Variants in PLEKHG3 observed in about 807,000 individuals in gnomAD.
PLEKHG3 encodes pleckstrin homology and RhoGEF domain containing G3, also known as pleckstrin homology domain-containing family G member 3.
PLEKHG3 carries 62 observed loss-of-function variants against 94.9 expected under a neutral mutation model. The observed-to-expected ratio is 0.65, with a 90% CI of 0.53 to 0.81. PLEKHG3 has a LOEUF of 0.81. Among genes scored for constraint, PLEKHG3 ranks in the 30% least tolerant of loss-of-function variants. The pLI is 0.00. For missense variants in PLEKHG3, 1,461 were observed against 1,619.3 expected, an observed-to-expected ratio of 0.90 and a Z score of 1.68; for synonymous variants, 614 against 654.0, an observed-to-expected ratio of 0.94 and a Z score of 0.93.
chr14:64,716,040 C>T lies in PLEKHG3; in HGVS notation c.-40+11336C>T, dbSNP rs1196575850. The stretch of plus-strand genomic sequence containing the variant: ...CGGTGCTGGGGACAATGCGGCTGCC[C>T]GGCCCCTCGCCACCCTCGTGGTGCC... On this transcript the variant is annotated intron_variant, in intron 1 of 16. Transcript: ENST00000247226. This position sits in a 1 kb window ranked among gnomAD's most constrained non-coding sequence, Gnocchi z 5.0. 4 of 456,306 alleles carry T rather than the reference C, an allele frequency of 8.8e-6. No homozygotes were observed. The East Asian group carries it at 2.8e-4, about 32-fold the overall frequency. The allele number at this position is 456,306 out of a possible 1,614,324, so 28.3% of individuals were successfully genotyped here.
At position 64,742,417 on chromosome 14, in the gene PLEKHG3, G is replaced by A; in HGVS notation, c.2900G>A (p.Cys967Tyr). ...ERDGKSPTVPCLQEEAGEPLG... is the reference protein window; with the variant it reads ...ERDGKSPTVPYLQEEAGEPLG... ...GATGGGAAGAGCCCCACTGTGCCCT[G>A]TCTACAGGAAGAGGCTGGAGAGCCA... Residue 967 changes from cysteine to tyrosine, a missense_variant, in exon 16 of 17, where the codon TGT (cysteine) becomes TAT (tyrosine). By Grantham distance (194) the Cys-to-Tyr change is radical. Around this residue, in one of 3 missense-constraint regions of PLEKHG3, gnomAD observed 1,201 missense variants for 1,295.5 expected, o/e 0.93. Transcript: ENST00000247226. The A allele has an allele frequency of 2.5e-6, 4 of 1,612,130 alleles. No individual in the cohort carries two copies. Among genetic ancestry groups the A allele is most frequent in the Middle Eastern group, 1.7e-4 (1 of 6,060 alleles).
In PLEKHG3 at chr14:64,716,159, G is replaced by A. The variant is rs572199813; in HGVS notation, c.-39-11434G>A. 10 of 423,060 alleles carry A rather than the reference G, an allele frequency of 2.4e-5. No homozygotes were observed. The highest frequency in any genetic ancestry group is 7.3e-5 in the East Asian group (1 of 13,608). 26.2% of individuals were successfully genotyped at this position (423,060 alleles called of 1,614,324 possible). A position where few individuals can be genotyped will look rare whatever the true frequency, so the allele number is the denominator to read the frequency against. On this transcript the variant is annotated intron_variant, in intron 1 of 16. Coordinates refer to ENST00000247226, the MANE Select transcript of PLEKHG3 (RefSeq NM_001308147.2). The surrounding 1 kb of genome is among the most constrained non-coding windows in gnomAD (Gnocchi z 5.0). ...GTGGGATGGGGACTCTTTCAACTCC[G>A]GGCCTCTAAGCCTTGCCGGACTTCC...
At chr14:64,734,120 G>T (rs2081526217) in intron 12 of PLEKHG3, among the ~76,000 whole-genome samples, 1 of 152,182 alleles carries the variant, frequency 6.6e-6, no homozygotes. Context: ...TGGAGCAGTG[G>T]CTTATAGAAG....
In PLEKHG3 at chr14:64,728,456, C is replaced by T. The variant is rs2081395157; in HGVS notation, c.351+474C>T. 6.6e-6 allele frequency among the ~76,000 whole-genome samples: 1 copy of T among 152,242 alleles called. No individual in the cohort carries two copies. The highest frequency in any genetic ancestry group is 2.4e-5 in the African/African-American group (1 of 41,470). On this transcript the variant is annotated intron_variant, in intron 2 of 16. Transcript: ENST00000247226. This position sits in a 1 kb window ranked among gnomAD's most constrained non-coding sequence, Gnocchi z 5.9. ...ACTGGCTCAGGGCGTGGATTAGTTT[C>T]CTAGGGCTGCCTTAACAAATGACCA...
At chr14:64,737,295 T>TTCCCC (rs1211895861) in intron 13 of PLEKHG3, 61 bp from the exon 14 acceptor site, 8 of 1,353,746 alleles carry the variant, frequency 5.9e-6, no homozygotes, top group Non-Finnish European at 7.3e-6. Context: ...TACTGATCTC[T>TTCCCC]TCCCCTCCCC....
chr14:64,734,675 T>C (rs1488621731), intron 12 of PLEKHG3, among the ~76,000 whole-genome samples: 2 of 152,138 alleles, frequency 1.3e-5, no homozygotes, highest in African/African-American at 2.4e-5. Flanking sequence ...ATTTAAAAAA[T>C]GTTTTAACAG....
At position 64,743,126 on chromosome 14, in the gene PLEKHG3, C is replaced by T. The variant is rs143013764; in HGVS notation, c.3083C>T (p.Ser1028Leu). 9.9e-6 allele frequency: 16 copies of T among 1,612,214 alleles called. No individual in the cohort carries two copies. The highest frequency in any genetic ancestry group is 1.6e-4 in the Middle Eastern group (1 of 6,062). Residue 1028 changes from serine to leucine, a missense_variant, in exon 17 of 17, where the codon TCG becomes TTG. Physicochemically the swap from Ser to Leu is moderately radical, Grantham distance 145. Around this residue, in one of 3 missense-constraint regions of PLEKHG3, gnomAD observed 1,201 missense variants for 1,295.5 expected, o/e 0.93. Transcript: ENST00000247226. This position sits in a 1 kb window ranked among gnomAD's most constrained non-coding sequence, Gnocchi z 7.2. ...NPSAVSQRTT[S>L]PGGRPSARSP... is the part of the protein sequence containing the mutation. ...TCTGCTGTCAGCCAGAGGACCACCT[C>T]GCCTGGGGGCCGGCCCTCCGCCCGG... is the stretch of plus-strand genomic sequence containing the variant.
Position 64,727,206 on chromosome 14 carries a change from G to T in PLEKHG3, c.-39-387G>T, listed in dbSNP as rs1268615704. ...GTACTGTGCCCCAGCAGTGGGGCTG[G>T]GCTGTGAATTCCTTAGAGGGTACCT... On this transcript the variant is annotated intron_variant, in intron 1 of 16. Transcript: ENST00000247226. This position sits in a 1 kb window ranked among gnomAD's most constrained non-coding sequence, Gnocchi z 6.0. 6.6e-6 allele frequency among the ~76,000 whole-genome samples: 1 copy of T among 152,082 alleles called. No individual in the cohort carries two copies. The highest frequency in any genetic ancestry group is 1.5e-5 in the Non-Finnish European group (1 of 68,022).
At chr14:64,737,312 G>A in intron 13 of PLEKHG3, 44 bp from the exon 14 acceptor site, 3 of 1,552,130 alleles carry the variant, frequency 1.9e-6, no homozygotes, top group Non-Finnish European at 2.7e-6. Flanking sequence ...CCCCTCCCCT[G>A]CCCCTCGCCC....
chr14:64,728,075 A>G lies in PLEKHG3; in HGVS notation c.351+93A>G, dbSNP rs2081388583. 1 of 832,276 alleles carries G rather than the reference A, an allele frequency of 1.2e-6. No individual in the cohort carries two copies. The highest frequency in any genetic ancestry group is 1.7e-5 in the African/African-American group (1 of 58,260). The allele number at this position is 832,276 out of a possible 1,614,324, so 51.6% of individuals were successfully genotyped here. On this transcript the variant is annotated intron_variant, in intron 2 of 16. Coordinates refer to ENST00000247226, the MANE Select transcript of PLEKHG3 (RefSeq NM_001308147.2). The surrounding 1 kb of genome is among the most constrained non-coding windows in gnomAD (Gnocchi z 5.9). Reference sequence around the variant, plus strand: ...TCAAAAGACCTGCTTCCCATAAAGTAGTTGGAGAACTGGGGTCTCCCACCC... The same window carrying G: ...TCAAAAGACCTGCTTCCCATAAAGTGGTTGGAGAACTGGGGTCTCCCACCC...
At chr14:64,729,484 G>T (rs1036013927) in intron 3 of PLEKHG3, among the ~76,000 whole-genome samples, 15 of 152,154 alleles carry the variant, frequency 9.9e-5, no homozygotes. Flanking sequence ...CCCTGGAGAT[G>T]ATCTGACCTA....
At position 64,745,169 on chromosome 14, in the gene PLEKHG3, C is replaced by T. The variant is rs551381537; in HGVS notation, c.*1466C>T. 1 of 152,354 alleles carries T rather than the reference C, an allele frequency of 6.6e-6. No homozygotes were observed. Among genetic ancestry groups the T allele is most frequent in the Non-Finnish European group, 1.5e-5 (1 of 68,044 alleles). 9.4% of individuals were successfully genotyped at this position (152,354 alleles called of 1,614,324 possible). On this transcript the variant is annotated 3_prime_UTR_variant, in exon 17 of 17. Coordinates refer to ENST00000247226, the MANE Select transcript of PLEKHG3 (RefSeq NM_001308147.2). This position sits in a 1 kb window ranked among gnomAD's most constrained non-coding sequence, Gnocchi z 5.0. The stretch of plus-strand genomic sequence containing the variant: ...ACAAGTGCATTTTTCTGGGATGATT[C>T]CTCCCTTTTTATCACATTCTCAGAA...
chr14:64,735,447 A>G (rs1361195698), intron 12 of PLEKHG3, among the ~76,000 whole-genome samples: 1 of 152,040 alleles, frequency 6.6e-6, no homozygotes, highest in Non-Finnish European at 1.5e-5. Flanking sequence ...CCTCATCTCT[A>G]CAAAATTAAA....
chr14:64,709,026 G>A (rs2081022472), intron 1 of PLEKHG3, among the ~76,000 whole-genome samples: 1 of 152,220 alleles, frequency 6.6e-6, no homozygotes, highest in Non-Finnish European at 1.5e-5. Flanking sequence ...GGACAACGTG[G>A]ACTAAACTGA....
In PLEKHG3 at chr14:64,738,360, C is replaced by G. The variant is rs912000458; in HGVS notation, c.1405-382C>G. 6.9e-6 allele frequency: 3 copies of G among 436,206 alleles called. No individual in the cohort carries two copies. Among genetic ancestry groups the G allele is most frequent in the African/African-American group, 6.1e-5 (3 of 48,796 alleles). 27.0% of individuals were successfully genotyped at this position (436,206 alleles called of 1,614,324 possible). A position where few individuals can be genotyped will look rare whatever the true frequency, so the allele number is the denominator to read the frequency against. On this transcript the variant is annotated intron_variant, in intron 14 of 16. Coordinates refer to ENST00000247226, the MANE Select transcript of PLEKHG3 (RefSeq NM_001308147.2). The surrounding 1 kb of genome is among the most constrained non-coding windows in gnomAD (Gnocchi z 4.8). The stretch of plus-strand genomic sequence containing the variant: ...TCCTCCCCTCAGCACTTAACACCAT[C>G]GCTCGCTGTCACACCCTGGTGAGCC...
At position 64,730,746 on chromosome 14, in the gene PLEKHG3, C is replaced by G. The variant is rs2081442042; in HGVS notation, c.567-53C>G. On this transcript the variant is annotated intron_variant, in intron 5 of 16. Coordinates refer to ENST00000247226, the MANE Select transcript of PLEKHG3 (RefSeq NM_001308147.2). The surrounding 1 kb of genome is among the most constrained non-coding windows in gnomAD (Gnocchi z 5.4). ...CATTTGGTGAGTCCAGAGCCCCCCACTTCCTCATCCAGGCCTTCCCCAGGT... is the reference window on the plus strand; with the variant it reads ...CATTTGGTGAGTCCAGAGCCCCCCAGTTCCTCATCCAGGCCTTCCCCAGGT... The G allele has an allele frequency of 1.2e-6, 2 of 1,612,604 alleles. No homozygotes were observed. Among genetic ancestry groups the G allele is most frequent in the East Asian group, 4.5e-5 (2 of 44,852 alleles).
Position 64,738,672 on chromosome 14 carries a change from C to A in PLEKHG3, c.1405-70C>A. The A allele has an allele frequency of 1.8e-6, 2 of 1,117,292 alleles. No homozygotes were observed. Among genetic ancestry groups the A allele is most frequent in the Non-Finnish European group, 2.7e-6 (2 of 751,862 alleles). 69.2% of individuals were successfully genotyped at this position (1,117,292 alleles called of 1,614,324 possible). A position where few individuals can be genotyped will look rare whatever the true frequency, so the allele number is the denominator to read the frequency against. On this transcript the variant is annotated intron_variant, in intron 14 of 16. Coordinates refer to ENST00000247226, the MANE Select transcript of PLEKHG3 (RefSeq NM_001308147.2). The surrounding 1 kb of genome is among the most constrained non-coding windows in gnomAD (Gnocchi z 4.8). Reference sequence around the variant, plus strand: ...CCCCTTGGGGCGTGGGAGGCACTGCCCGTGTTGGGATGCAGAAGGGATCAG... The same window carrying A: ...CCCCTTGGGGCGTGGGAGGCACTGCACGTGTTGGGATGCAGAAGGGATCAG...
At chr14:64,735,463 A>G (rs2081551795) in intron 12 of PLEKHG3, among the ~76,000 whole-genome samples, 1 of 151,750 alleles carries the variant, frequency 6.6e-6, no homozygotes, top group Non-Finnish European at 1.5e-5. Flanking sequence ...TTAAAAAGTT[A>G]GCTAGGCATG....
chr14:64,729,238 C>T, intron 3 of PLEKHG3, 145 bp downstream of exon 3: 2 of 554,400 alleles, frequency 3.6e-6, no homozygotes, highest in South Asian at 2.3e-5. Context: ...AAGGGTTGTC[C>T]ATCTCTGTGC....
Sources: gnomAD v4.1 joint callset for allele counts (sites outside exome capture counted in the v4.1 genomes callset) on GRCh38, gnomAD v4.1.1 for gene constraint, gnomAD v4.1.1 regional missense constraint, Gnocchi (gnomAD v3.1) non-coding constraint, MANE v1.5 for transcripts, NCBI Gene and HGNC (gene_info 2026-07-23, HGNC 2026-07-21) for gene names.